Variants in SMARCA2 observed in about 807,000 individuals in gnomAD.
SMARCA2 encodes SWI/SNF-related matrix-associated actin-dependent regulator of chromatin subfamily A member 2.
In SMARCA2, 61 loss-of-function variants were observed where a neutral mutation model predicts 199.8. The ratio of observed to expected loss-of-function variants is 0.31; its 90% CI spans 0.25 to 0.38. SMARCA2 has a LOEUF of 0.38. Among genes scored for constraint, SMARCA2 ranks in the 10% least tolerant of loss-of-function variants. The pLI, the probability that SMARCA2 is intolerant of heterozygous loss-of-function variation, is 1.00. For synonymous variants in SMARCA2, 935 were observed against 732.0 expected, an observed-to-expected ratio of 1.28 and a Z score of -4.48; for missense variants, 1,344 against 2,012.2, an observed-to-expected ratio of 0.67 and a Z score of 6.35.
At chr9:2,124,157 G>GA (rs1157781957) in intron 27 of SMARCA2, among the ~76,000 whole-genome samples, 1 of 152,128 alleles carries the variant, frequency 6.6e-6, no homozygotes, top group Non-Finnish European at 1.5e-5. Context: ...GCGGTGCTTG[G>GA]AAAAAAATAT....
At position 2,039,571 on chromosome 9, in the gene SMARCA2, G is replaced by T. The variant is rs767299222; in HGVS notation, c.461G>T (p.Gly154Val). 1 of 1,614,130 alleles carries T rather than the reference G, an allele frequency of 6.2e-7. No individual in the cohort carries two copies. The highest frequency in any genetic ancestry group is 1.1e-5 in the South Asian group (1 of 91,072). The change falls in exon 4 of 34, where the codon GGG becomes GTG. Residue 154 changes from glycine (G) to valine (V), a missense_variant. Around this residue, in one of 18 missense-constraint regions of SMARCA2, gnomAD observed 275 missense variants for 247.5 expected, o/e 1.11. Transcript: ENST00000349721. The surrounding 1 kb of genome is among the most constrained non-coding windows in gnomAD (Gnocchi z 4.8). Reference protein sequence around the residue: ...TPPQMPPSQPGALIPGDPQAM... With the variant: ...TPPQMPPSQPVALIPGDPQAM... ...CCTCAGATGCCACCAAGCCAGCCGG[G>T]GGCCCTCATCCCAGGTGATCCGCAG...
intron 10 of SMARCA2, 73 bp from the exon 11 acceptor site, chr9:2,073,139 T>G: frequency 3.9e-6 from 6 of 1,551,760 alleles, no homozygotes; most frequent in Non-Finnish European, 5.2e-6. Context: ...CAAAAACTGC[T>G]GAGAAACGTC....
At chr9:2,183,913 T>C (rs1827237556) in intron 31 of SMARCA2, among the ~76,000 whole-genome samples, 1 of 152,212 alleles carries the variant, frequency 6.6e-6, no homozygotes, top group Non-Finnish European at 1.5e-5. Flanking sequence ...ATCCAGTCCT[T>C]TTTTCTACAA....
Position 2,024,681 on chromosome 9 carries a change from T to C in SMARCA2, c.-36-4306T>C, listed in dbSNP as rs1240365269. 2.0e-5 allele frequency among the ~76,000 whole-genome samples: 3 copies of C among 152,168 alleles called. No homozygotes were observed. The South Asian group carries it at 6.2e-4, about 31-fold the overall frequency. ...GCTTCTACTTTCTACCCCTGCACAT[T>C]GCTCTGGCCTGGTGAAAACTCTGGT... On this transcript the variant is annotated intron_variant, in intron 1 of 33. Transcript: ENST00000349721.
chr9:2,154,882 G>A (rs562064997), intron 27 of SMARCA2, among the ~76,000 whole-genome samples: 1 of 152,300 alleles, frequency 6.6e-6, no homozygotes, highest in East Asian at 1.9e-4. Context: ...CTTCTGAGGA[G>A]CCCTGCTCAA....
intron 9 of SMARCA2, among the ~76,000 whole-genome samples, chr9:2,070,015 T>C (rs190428218): frequency 5.6e-4 from 86 of 152,340 alleles, no homozygotes; most frequent in African/African-American, 2.0e-3. Flanking sequence ...AGAATGTTGT[T>C]CTTCATTGCT....
intron 9 of SMARCA2, among the ~76,000 whole-genome samples, chr9:2,069,947 C>G (rs55816078): frequency 0.1 from 15,165 of 152,220 alleles, 879 homozygotes; most frequent in East Asian, 0.29. Flanking sequence ...CTCCTTCCCC[C>G]CCAGTAGTCC....
chr9:2,111,503 A>AG (rs1823000928), intron 24 of SMARCA2, among the ~76,000 whole-genome samples: 1 of 151,562 alleles, frequency 6.6e-6, no homozygotes, highest in Admixed American at 6.6e-5. Context: ...AAAAAAAAAA[A>AG]AAAAAAAGAA....
At chr9:2,047,687 TC>T (rs1819932694) in intron 5 of SMARCA2, 1 of 414,090 alleles carries the variant, frequency 2.4e-6, no homozygotes, top group Non-Finnish European at 3.9e-6. Flanking sequence ...GACGGGGACT[TC>T]CTGTGGACCC....
At chr9:2,108,469 TG>T (rs1822855367) in intron 23 of SMARCA2, among the ~76,000 whole-genome samples, 1 of 152,242 alleles carries the variant, frequency 6.6e-6, no homozygotes, top group African/African-American at 2.4e-5. Context: ...GATTATCAGC[TG>T]GTTCATTTTC....
chr9:2,120,918 A>G (rs538763449), intron 26 of SMARCA2, among the ~76,000 whole-genome samples: 18 of 152,220 alleles, frequency 1.2e-4, no homozygotes, highest in Admixed American at 2.0e-4. Flanking sequence ...AAAGATTACA[A>G]TATTCTCTAT....
chr9:2,164,629 C>G (rs1031818956), intron 28 of SMARCA2, among the ~76,000 whole-genome samples: 25 of 152,302 alleles, frequency 1.6e-4, no homozygotes, highest in Admixed American at 4.6e-4. Flanking sequence ...AGTGTCCTTG[C>G]TGATGCTGAT....
chr9:2,131,068 C>T (rs1823926570), intron 27 of SMARCA2, among the ~76,000 whole-genome samples: 1 of 152,152 alleles, frequency 6.6e-6, no homozygotes, highest in African/African-American at 2.4e-5. Flanking sequence ...TCCTTCCTTT[C>T]CTTAAAACAT....
At chr9:2,029,461 A>G (rs1818968542) in intron 2 of SMARCA2, among the ~76,000 whole-genome samples, 3 of 152,234 alleles carry the variant, frequency 2.0e-5, no homozygotes. Context: ...TGGCTTTTTA[A>G]AATACTGACA....
In SMARCA2 at chr9:2,119,342, CCTTTT is replaced by C; in HGVS notation, c.3685-111_3685-107del. Reference sequence around the variant, plus strand: ...AAGGACTAAATCCAGCAACCCCTTCCCTTTTCTTTCTGCCTTGAGAAATGGGACCC... The same window carrying C: ...AAGGACTAAATCCAGCAACCCCTTCCCTTTCTGCCTTGAGAAATGGGACCC... On this transcript the variant is annotated intron_variant, in intron 25 of 33. Transcript: ENST00000349721. The surrounding 1 kb of genome is among the most constrained non-coding windows in gnomAD (Gnocchi z 4.6). 1 of 676,878 alleles carries C rather than the reference CCTTTT, an allele frequency of 1.5e-6. No individual in the cohort carries two copies. The highest frequency in any genetic ancestry group is 2.6e-6 in the Non-Finnish European group (1 of 378,912). 41.9% of individuals were successfully genotyped at this position (676,878 alleles called of 1,614,324 possible).
At chr9:2,158,160 CAAA>C (rs532618380) in intron 27 of SMARCA2, 2,099 of 87,812 alleles carry the variant, frequency 0.024, 49 homozygotes, top group African/African-American at 0.066. Flanking sequence ...GAAAGAGGGC[CAAA>C]AAAAAAAAAA....
intron 3 of SMARCA2, among the ~76,000 whole-genome samples, chr9:2,037,971 T>G (rs941673362): frequency 2.0e-5 from 3 of 152,216 alleles, no homozygotes; most frequent in African/African-American, 7.2e-5. Context: ...ATAAGTCCCT[T>G]GAGGTTTTTT....
At chr9:2,185,389 CTA>C (rs1827365846) in intron 31 of SMARCA2, among the ~76,000 whole-genome samples, 1 of 152,126 alleles carries the variant, frequency 6.6e-6, no homozygotes, top group South Asian at 2.1e-4. Context: ...AATGTATAGA[CTA>C]TAGTTGCTTA....
intron 5 of SMARCA2, among the ~76,000 whole-genome samples, chr9:2,054,352 A>G (rs1383989596): frequency 6.6e-6 from 1 of 152,172 alleles, no homozygotes; most frequent in African/African-American, 2.4e-5. Context: ...TTCTTTCCCT[A>G]GTGTTAGATA....
Sources: gnomAD v4.1 joint callset for allele counts (sites outside exome capture counted in the v4.1 genomes callset) on GRCh38, gnomAD v4.1.1 for gene constraint, gnomAD v4.1.1 regional missense constraint, Gnocchi (gnomAD v3.1) non-coding constraint, MANE v1.5 for transcripts, NCBI Gene and HGNC (gene_info 2026-07-23, HGNC 2026-07-21) for gene names.